The following FBXW10B variants were observed in gnomAD, a reference collection of about 807,000 sequenced individuals.
FBXW10B encodes the protein F-box and WD repeat domain containing 10B.
the FBXW10B span, chr17:15,613,554 A>G: frequency 2.2e-6 from 3 of 1,379,506 alleles, no homozygotes; most frequent in Non-Finnish European, 2.9e-6. Flanking sequence ...CAGTCATATC[A>G]GCCTCAACAC....
the FBXW10B span, among the ~76,000 whole-genome samples, chr17:15,611,023 CTTTTTT>C: frequency 7.8e-6 from 1 of 128,534 alleles, no homozygotes; most frequent in Non-Finnish European, 1.6e-5. Flanking sequence ...AATGTGTTTT[CTTTTTT>C]TTTTTTTTTT....
At chr17:15,567,385 C>G in the FBXW10B span, among the ~76,000 whole-genome samples, 2 of 151,718 alleles carry the variant, frequency 1.3e-5, no homozygotes, top group Non-Finnish European at 2.9e-5. Context: ...GTGATGAGCT[C>G]ATTGTTTATT....
At chr17:15,575,594 C>G in the FBXW10B span, among the ~76,000 whole-genome samples, 2 of 145,696 alleles carry the variant, frequency 1.4e-5, no homozygotes, top group Non-Finnish European at 2.9e-5. Context: ...CTCTGCATGG[C>G]GGCCCTTCCA....
chr17:15,612,710 C>T, the FBXW10B span: 1 of 1,614,046 alleles, frequency 6.2e-7, no homozygotes, highest in Non-Finnish European at 8.5e-7. Context: ...CCTTCGTTCT[C>T]AACTTCCACT....
chr17:15,601,253 C>T, the FBXW10B span, among the ~76,000 whole-genome samples: 1 of 145,244 alleles, frequency 6.9e-6, no homozygotes, highest in African/African-American at 2.5e-5. Context: ...ACTAAAAATA[C>T]AAAAAATTAG....
At chr17:15,607,679 T>G in the FBXW10B span, 2 of 1,612,850 alleles carry the variant, frequency 1.2e-6, no homozygotes, top group Admixed American at 3.3e-5. Context: ...CAGGTTGTAC[T>G]CATTCTAACA....
chr17:15,614,282 G>C, the FBXW10B span, among the ~76,000 whole-genome samples: 1 of 151,988 alleles, frequency 6.6e-6, no homozygotes, highest in African/African-American at 2.4e-5. Context: ...TCTGCCTCCC[G>C]GGTTCACGCC....
chr17:15,576,743 C>T, the FBXW10B span, among the ~76,000 whole-genome samples: 6 of 150,576 alleles, frequency 4.0e-5, no homozygotes, highest in African/African-American at 7.4e-5. Flanking sequence ...AGAGATTGCA[C>T]GATAAGAGCA....
the FBXW10B span, among the ~76,000 whole-genome samples, chr17:15,584,427 A>G: frequency 3.9e-5 from 6 of 152,252 alleles, no homozygotes; most frequent in East Asian, 1.2e-3. Context: ...GATATCAACT[A>G]GTATGTTTCT....
At chr17:15,579,049 T>G in the FBXW10B span, among the ~76,000 whole-genome samples, 1 of 151,924 alleles carries the variant, frequency 6.6e-6, no homozygotes, top group Non-Finnish European at 1.5e-5. Context: ...AACATCATGA[T>G]GCATGCCTAT....
At chr17:15,597,780 AC>A in the FBXW10B span, among the ~76,000 whole-genome samples, 1 of 152,144 alleles carries the variant, frequency 6.6e-6, no homozygotes, top group African/African-American at 2.4e-5. Flanking sequence ...AAATATAACA[AC>A]AACCAGAGTT....
chr17:15,566,187 A>G, the FBXW10B span: 2 of 1,612,362 alleles, frequency 1.2e-6, no homozygotes, highest in Non-Finnish European at 1.7e-6. Flanking sequence ...TTTGGGGCCT[A>G]CAGGGATAGG....
chr17:15,612,258 A>C, the FBXW10B span, among the ~76,000 whole-genome samples: 1 of 152,226 alleles, frequency 6.6e-6, no homozygotes, highest in Non-Finnish European at 1.5e-5. Flanking sequence ...CTGTAATCCC[A>C]GCACTTTGGG....
the FBXW10B span, among the ~76,000 whole-genome samples, chr17:15,568,394 C>T: frequency 1.3e-5 from 2 of 151,942 alleles, no homozygotes; most frequent in African/African-American, 2.4e-5. Flanking sequence ...CCCAGTGTGA[C>T]GTGGGAGCAC....
chr17:15,582,085 T>C, the FBXW10B span, among the ~76,000 whole-genome samples: 1 of 151,338 alleles, frequency 6.6e-6, no homozygotes, highest in Non-Finnish European at 1.5e-5. Flanking sequence ...CAGGTGTGTA[T>C]GTGTGTGTGC....
chr17:15,607,740 C>T, the FBXW10B span: 6 of 1,498,590 alleles, frequency 4.0e-6, no homozygotes, highest in South Asian at 4.8e-5. Context: ...ACCCACAGTC[C>T]CAGAGCCCCT....
chr17:15,609,852 C>CTTTTTTTTTTTTT, the FBXW10B span, among the ~76,000 whole-genome samples: 41 of 103,186 alleles, frequency 4.0e-4, no homozygotes, highest in Non-Finnish European at 5.2e-4. Context: ...TTCTTTCTTT[C>CTTTTTTTTTTTTT]TTTTTTTTTT....
the FBXW10B span, among the ~76,000 whole-genome samples, chr17:15,569,459 T>TTA: frequency 6.5e-4 from 75 of 115,742 alleles, no homozygotes; most frequent in Non-Finnish European, 1.0e-3. Context: ...CTTTTTCTTT[T>TTA]TTTTTTTTTT....
chr17:15,598,613 C>A, the FBXW10B span: 1 of 1,613,174 alleles, frequency 6.2e-7, no homozygotes, highest in Non-Finnish European at 8.5e-7. Context: ...TGGTGACCAC[C>A]GAAGATTCGT....
Sources: gnomAD v4.1 joint callset for allele counts (sites outside exome capture counted in the v4.1 genomes callset) on GRCh38, gnomAD v4.1.1 for gene constraint, MANE v1.5 for transcripts, NCBI Gene and HGNC (gene_info 2026-07-23, HGNC 2026-07-21) for gene names.